ADAM7: variants seen among roughly 807,000 people sequenced by gnomAD.
The protein encoded by ADAM7 is ADAM metallopeptidase domain 7.
ADAM7 carries 97 observed loss-of-function variants against 102.9 expected under a neutral mutation model. The observed-to-expected ratio is 0.94, with a 90% CI of 0.80 to 1.12. The LOEUF is 1.12. Ranked by LOEUF, ADAM7 falls within the 50% of genes most tolerant of loss-of-function variation. The pLI is 0.00. For missense variants in ADAM7, 991 were observed against 908.7 expected (o/e 1.09, Z -1.16); for synonymous variants, 334 against 304.4 (o/e 1.10, Z -1.01).
At chr8:24,487,386 C>A in intron 11 of ADAM7, 69 bp downstream of exon 11, 1 of 1,538,768 alleles carries the variant, frequency 6.5e-7, no homozygotes, top group Admixed American at 1.8e-5. Flanking sequence ...GTGGCTTATG[C>A]CTGTAATCCC....
At chr8:24,483,502 G>C (rs1462394057) in intron 9 of ADAM7, among the ~76,000 whole-genome samples, 1 of 152,146 alleles carries the variant, frequency 6.6e-6, no homozygotes, top group Non-Finnish European at 1.5e-5. Flanking sequence ...TTGACTTTCA[G>C]TCCGAACTCA....
intron 5 of ADAM7, 128 bp downstream of exon 5, chr8:24,465,903 AT>A: frequency 1.7e-6 from 1 of 587,456 alleles, no homozygotes; most frequent in Non-Finnish European, 2.7e-6. Flanking sequence ...GCTGCTGTGC[AT>A]TTTTAGCAGT....
intron 3 of ADAM7, among the ~76,000 whole-genome samples, chr8:24,460,451 C>T (rs1413055927): frequency 6.6e-6 from 1 of 151,678 alleles, no homozygotes; most frequent in Non-Finnish European, 1.5e-5. Flanking sequence ...TTATGTTTAT[C>T]TCCTCTGTTA....
chr8:24,456,101 T>C (rs1819023976), intron 3 of ADAM7, among the ~76,000 whole-genome samples: 1 of 152,196 alleles, frequency 6.6e-6, no homozygotes, highest in South Asian at 2.1e-4. Flanking sequence ...ACTTGGGCTT[T>C]GTACCCTTTG....
intron 12 of ADAM7, 156 bp from the exon 13 acceptor site, chr8:24,490,643 C>T (rs528514384): frequency 3.1e-4 from 206 of 657,610 alleles, no homozygotes; most frequent in Non-Finnish European, 4.4e-4. Context: ...CCCAAATACC[C>T]GTTCTAAACA....
chr8:24,479,436 A>T (rs2129387355), intron 8 of ADAM7, among the ~76,000 whole-genome samples: 1 of 152,116 alleles, frequency 6.6e-6, no homozygotes, highest in Admixed American at 6.5e-5. Flanking sequence ...TCTGGGGGAA[A>T]AATTTACTAT....
chr8:24,469,662 A>G (rs1400545173), intron 7 of ADAM7, among the ~76,000 whole-genome samples: 2 of 152,168 alleles, frequency 1.3e-5, no homozygotes, highest in East Asian at 1.9e-4. Flanking sequence ...AAATCATCCA[A>G]TGATATTTCA....
chr8:24,444,401 T>C (rs1055317395), intron 2 of ADAM7, among the ~76,000 whole-genome samples: 4 of 151,866 alleles, frequency 2.6e-5, no homozygotes, highest in Non-Finnish European at 5.9e-5. Flanking sequence ...TAAGTGTGGG[T>C]TGTAGATTGT....
chr8:24,501,875 C>T (rs1305791527), intron 20 of ADAM7, among the ~76,000 whole-genome samples: 1 of 152,010 alleles, frequency 6.6e-6, no homozygotes, highest in East Asian at 1.9e-4. Flanking sequence ...ACATGATGGG[C>T]CATAAAGCAA....
chr8:24,449,616 A>G (rs377253976), intron 3 of ADAM7, among the ~76,000 whole-genome samples: 10 of 152,156 alleles, frequency 6.6e-5, no homozygotes, highest in Middle Eastern at 3.4e-3. Context: ...TCACTCTGAT[A>G]GTAGTTTCTT....
intron 3 of ADAM7, among the ~76,000 whole-genome samples, chr8:24,454,158 G>T (rs1276853407): frequency 1.3e-5 from 2 of 152,230 alleles, no homozygotes; most frequent in African/African-American, 4.8e-5. Context: ...GCTGCATGCT[G>T]GGAGAACCAC....
intron 3 of ADAM7, among the ~76,000 whole-genome samples, chr8:24,458,614 T>C (rs1002804259): frequency 6.6e-6 from 1 of 152,156 alleles, no homozygotes; most frequent in Non-Finnish European, 1.5e-5. Context: ...GATAGTTTTG[T>C]CTTCCTCTCT....
chr8:24,505,624 GT>G (rs1820926210), intron 20 of ADAM7, among the ~76,000 whole-genome samples: 1 of 152,080 alleles, frequency 6.6e-6, no homozygotes, highest in Non-Finnish European at 1.5e-5. Context: ...AATGATGTTT[GT>G]TTTTTGTTTG....
At chr8:24,444,805 T>C (rs1267366750) in intron 2 of ADAM7, among the ~76,000 whole-genome samples, 1 of 151,924 alleles carries the variant, frequency 6.6e-6, no homozygotes, top group African/African-American at 2.4e-5. Context: ...TTAAAGCACA[T>C]CAGGGAAAAA....
intron 12 of ADAM7, among the ~76,000 whole-genome samples, chr8:24,490,120 G>C (rs559666906): frequency 3.7e-4 from 57 of 152,254 alleles, no homozygotes; most frequent in Admixed American, 1.3e-3. Context: ...AGGAGGTCTA[G>C]TAGGACAGCA....
intron 3 of ADAM7, among the ~76,000 whole-genome samples, chr8:24,453,869 A>T (rs1818897587): frequency 6.6e-6 from 1 of 152,212 alleles, no homozygotes. Flanking sequence ...TCCTTCTAAC[A>T]GACAGGACCC....
At chr8:24,490,506 C>A in intron 12 of ADAM7, 1 of 278,328 alleles carries the variant, frequency 3.6e-6, no homozygotes, top group Non-Finnish European at 6.8e-6. Flanking sequence ...GCAGTATGAC[C>A]CTTCAAGGAA....
At position 24,442,557 on chromosome 8, in the gene ADAM7, C is replaced by T. The variant is rs753250327; in HGVS notation, c.137C>T (p.Thr46Ile). 5.6e-5 allele frequency: 91 copies of T among 1,613,632 alleles called. No homozygotes were observed. The East Asian group carries it at 2.0e-3, about 35-fold the overall frequency. Residue 46 changes from threonine to isoleucine, a missense_variant, in exon 2 of 22, where the codon ACC (threonine) becomes ATC (isoleucine). By Grantham distance (89) the Thr-to-Ile change is moderately conservative (BLOSUM62 -1). Coordinates refer to ENST00000175238, the MANE Select transcript of ADAM7 (RefSeq NM_003817.4). ...ATACAGAAGCGAGATACTGGACACA[C>T]CCATGATGATGACATACTGGTACAA... ...PLIQKRDTGH[T>I]HDDDILKTYE...
At chr8:24,450,373 G>T (rs1301956923) in intron 3 of ADAM7, among the ~76,000 whole-genome samples, 1 of 152,124 alleles carries the variant, frequency 6.6e-6, no homozygotes, top group Non-Finnish European at 1.5e-5. Flanking sequence ...CACGTCCCTT[G>T]TAAGTTGGAT....
Sources: gnomAD v4.1 joint callset for allele counts (sites outside exome capture counted in the v4.1 genomes callset) on GRCh38, gnomAD v4.1.1 for gene constraint, MANE v1.5 for transcripts, NCBI Gene and HGNC (gene_info 2026-07-23, HGNC 2026-07-21) for gene names.